The following SLC24A2 variants were observed in gnomAD, a reference collection of about 807,000 sequenced individuals.
SLC24A2 encodes the protein sodium/potassium/calcium exchanger 2.
Under a neutral mutation model 62.0 loss-of-function variants are expected in SLC24A2, and 36 were observed. That is an observed-to-expected ratio of 0.58 (90% CI 0.44 to 0.77). The LOEUF (loss-of-function observed/expected upper bound fraction) is 0.77, where lower values mean the gene tolerates loss of function less well. SLC24A2 is among the 30% of genes least tolerant of loss of function. The probability of loss-of-function intolerance (pLI) is 0.00; values close to 1 mark genes in which losing one functional copy is unlikely to be tolerated. For missense variants in SLC24A2, 846 were observed against 817.9 expected, an observed-to-expected ratio of 1.03 and a Z score of -0.42; for synonymous variants, 358 against 294.0, an observed-to-expected ratio of 1.22 and a Z score of -2.23.
the SLC24A2 span, among the ~76,000 whole-genome samples, chr9:20,014,213 G>C: frequency 0.4 from 60,891 of 151,710 alleles, 13,634 homozygotes; most frequent in Non-Finnish European, 0.52. Flanking sequence ...GTCTCAGCGG[G>C]GGAAAAAAAG....
At chr9:19,636,381 T>TC (rs1818349778) in intron 2 of SLC24A2, among the ~76,000 whole-genome samples, 2 of 16,250 alleles carry the variant, frequency 1.2e-4, no homozygotes, top group African/African-American at 4.5e-4. Flanking sequence ...CTTTCTTTCT[T>TC]TCTTTCTCCC....
At chr9:19,959,539 C>T in the SLC24A2 span, among the ~76,000 whole-genome samples, 2 of 152,180 alleles carry the variant, frequency 1.3e-5, no homozygotes, top group South Asian at 2.1e-4. Context: ...CTTACTGTAT[C>T]ACTGTAAATT....
intron 4 of SLC24A2, among the ~76,000 whole-genome samples, chr9:19,610,683 T>C (rs530472235): frequency 6.6e-6 from 1 of 152,088 alleles, no homozygotes; most frequent in Admixed American, 6.5e-5. Context: ...GCTGGTACTA[T>C]ACAATGGTGG....
chr9:19,816,293 G>A, the SLC24A2 span, among the ~76,000 whole-genome samples: 1 of 152,004 alleles, frequency 6.6e-6, no homozygotes, highest in South Asian at 2.1e-4. Context: ...TCTACTTCAA[G>A]CAGGGGAAAG....
intron 2 of SLC24A2, among the ~76,000 whole-genome samples, chr9:19,631,749 A>C (rs1477135028): frequency 1.3e-5 from 2 of 152,170 alleles, no homozygotes; most frequent in African/African-American, 2.4e-5. Context: ...GGCCTACAGT[A>C]TGGTCAGCGG....
the SLC24A2 span, among the ~76,000 whole-genome samples, chr9:20,250,016 A>G: frequency 6.6e-6 from 1 of 152,246 alleles, no homozygotes; most frequent in African/African-American, 2.4e-5. Context: ...GGAGGAACTA[A>G]TTTTCAATTT....
intron 2 of SLC24A2, among the ~76,000 whole-genome samples, chr9:19,679,288 T>G (rs2145780): frequency 0.71 from 108,068 of 152,004 alleles, 39,308 homozygotes; most frequent in East Asian, 0.94. Flanking sequence ...TTCTATTACT[T>G]CCTTGCTCTT....
At chr9:19,922,475 T>C in the SLC24A2 span, among the ~76,000 whole-genome samples, 1 of 152,110 alleles carries the variant, frequency 6.6e-6, no homozygotes, top group Non-Finnish European at 1.5e-5. Context: ...TCAAGCAGAG[T>C]TGAAAATGGC....
the SLC24A2 span, among the ~76,000 whole-genome samples, chr9:20,126,826 G>T: frequency 3.9e-5 from 6 of 152,132 alleles, no homozygotes; most frequent in Non-Finnish European, 7.4e-5. Context: ...AGGAGAGGGG[G>T]AGAATGTAGT....
chr9:20,211,897 T>C, the SLC24A2 span, among the ~76,000 whole-genome samples: 35 of 151,966 alleles, frequency 2.3e-4, no homozygotes, highest in Admixed American at 3.9e-4. Context: ...TAAAAAGAAA[T>C]AAAATTAAGA....
At chr9:19,824,725 AT>A in the SLC24A2 span, among the ~76,000 whole-genome samples, 8 of 152,154 alleles carry the variant, frequency 5.3e-5, no homozygotes, top group Admixed American at 3.3e-4. Context: ...GCACGTGTAT[AT>A]TTATTGTGGC....
the SLC24A2 span, among the ~76,000 whole-genome samples, chr9:20,067,899 C>A: frequency 6.6e-6 from 1 of 152,140 alleles, no homozygotes; most frequent in Admixed American, 6.5e-5. Flanking sequence ...TGGGTATATA[C>A]CCAGTAATGG....
At chr9:19,986,861 G>C in the SLC24A2 span, among the ~76,000 whole-genome samples, 1 of 152,140 alleles carries the variant, frequency 6.6e-6, no homozygotes, top group South Asian at 2.1e-4. Context: ...ATTAGATAGA[G>C]GTGGTAGTTG....
At chr9:19,908,922 G>A in the SLC24A2 span, among the ~76,000 whole-genome samples, 1,274 of 152,264 alleles carry the variant, frequency 8.4e-3, 25 homozygotes, top group African/African-American at 0.028. Flanking sequence ...AAGTCAGTGT[G>A]GCGATTCCTC....
the SLC24A2 span, among the ~76,000 whole-genome samples, chr9:20,008,441 C>T: frequency 6.6e-6 from 1 of 152,144 alleles, no homozygotes; most frequent in Non-Finnish European, 1.5e-5. Context: ...GAACTTCACT[C>T]TACTTCTTCA....
At chr9:20,029,261 C>T in the SLC24A2 span, among the ~76,000 whole-genome samples, 7 of 152,236 alleles carry the variant, frequency 4.6e-5, no homozygotes, top group Non-Finnish European at 7.3e-5. Flanking sequence ...CAGCCTTCCA[C>T]GTCCCAGGCA....
intron 2 of SLC24A2, among the ~76,000 whole-genome samples, chr9:19,752,996 G>A (rs865990859): frequency 6.6e-6 from 1 of 152,306 alleles, no homozygotes; most frequent in South Asian, 2.1e-4. Context: ...CAAGAAAAAT[G>A]CAAGGGCCAG....
At chr9:19,581,001 T>A (rs1836189248) in intron 5 of SLC24A2, among the ~76,000 whole-genome samples, 1 of 152,178 alleles carries the variant, frequency 6.6e-6, no homozygotes, top group Admixed American at 6.5e-5. Context: ...TATCACATTG[T>A]GTGGCATTGA....
chr9:20,293,046 C>T, the SLC24A2 span, among the ~76,000 whole-genome samples: 4 of 152,214 alleles, frequency 2.6e-5, no homozygotes, highest in African/African-American at 9.6e-5. Flanking sequence ...CACTGCATAA[C>T]ATCAATCTCT....
Sources: gnomAD v4.1 joint callset for allele counts (sites outside exome capture counted in the v4.1 genomes callset) on GRCh38, gnomAD v4.1.1 for gene constraint, MANE v1.5 for transcripts, NCBI Gene and HGNC (gene_info 2026-07-23, HGNC 2026-07-21) for gene names.